SLC24A2: variants seen among roughly 807,000 people sequenced by gnomAD.
SLC24A2 encodes the protein solute carrier family 24 member 2.
Under a neutral mutation model 62.0 loss-of-function variants are expected in SLC24A2, and 36 were observed. That is an observed-to-expected ratio of 0.58 (90% confidence interval 0.44 to 0.77). The LOEUF (loss-of-function observed/expected upper bound fraction) is 0.77, where lower values mean the gene tolerates loss of function less well. Ranked by LOEUF, SLC24A2 falls within the 30% of genes least tolerant of loss-of-function variation. The pLI is 0.00. For missense variants in SLC24A2, 846 were observed against 817.9 expected (o/e 1.03, Z -0.42); for synonymous variants, 358 against 294.0 (o/e 1.22, Z -2.23).
the SLC24A2 span, among the ~76,000 whole-genome samples, chr9:20,122,164 G>C: frequency 1.3e-5 from 2 of 152,190 alleles, no homozygotes; most frequent in Admixed American, 6.5e-5. Context: ...AGAATTTCAA[G>C]ACAGTGTTAG....
upstream of SLC24A2, among the ~76,000 whole-genome samples, chr9:19,789,597 C>A (rs1823280993): frequency 6.6e-6 from 1 of 152,174 alleles, no homozygotes; most frequent in Non-Finnish European, 1.5e-5. Context: ...CATTTTGAAT[C>A]ACTGACAGGC....
At position 19,632,622 on chromosome 9, in the gene SLC24A2, A is replaced by T. The variant is rs775432777; in HGVS notation, c.931-10323T>A. The stretch of plus-strand genomic sequence containing the variant: ...TCTTAGGTGGCAGGTATTATTAGGA[A>T]ACATTTTTAATAACTTCTTATTTGG... On this transcript the variant is annotated intron_variant, in intron 2 of 10. Transcript: ENST00000341998. The surrounding 1 kb of genome is among the most constrained non-coding windows in gnomAD (Gnocchi z 4.5). 2.1e-4 allele frequency among the ~76,000 whole-genome samples: 32 copies of T among 152,240 alleles called. No homozygotes were observed. The highest frequency in any genetic ancestry group is 4.6e-4 in the Non-Finnish European group (31 of 68,048).
At chr9:19,928,295 G>C in the SLC24A2 span, 2 of 152,228 alleles carry the variant, frequency 1.3e-5, no homozygotes, top group Non-Finnish European at 2.9e-5. Context: ...AAAGGGAATT[G>C]TTACTGTCTC....
the SLC24A2 span, among the ~76,000 whole-genome samples, chr9:19,815,032 G>C: frequency 6.6e-6 from 1 of 152,124 alleles, no homozygotes; most frequent in Non-Finnish European, 1.5e-5. Context: ...TGCAATTTGG[G>C]ATTTATGAAA....
chr9:19,878,171 A>C, the SLC24A2 span, among the ~76,000 whole-genome samples: 2 of 152,166 alleles, frequency 1.3e-5, no homozygotes, highest in African/African-American at 4.8e-5. Context: ...ATCAGCAAGA[A>C]GACTTCTTAT....
chr9:19,575,651 A>G (rs971833480), intron 6 of SLC24A2, among the ~76,000 whole-genome samples: 1 of 152,246 alleles, frequency 6.6e-6, no homozygotes, highest in Admixed American at 6.5e-5. Context: ...CCCCAATAAC[A>G]TTAGAAGAAT....
At chr9:20,201,912 T>C in the SLC24A2 span, among the ~76,000 whole-genome samples, 1 of 152,170 alleles carries the variant, frequency 6.6e-6, no homozygotes, top group South Asian at 2.1e-4. Context: ...CAGCCACACA[T>C]CAGCAGTTGA....
the SLC24A2 span, among the ~76,000 whole-genome samples, chr9:19,816,522 C>T: frequency 6.6e-6 from 1 of 152,078 alleles, no homozygotes; most frequent in African/African-American, 2.4e-5. Flanking sequence ...CTGTATTACA[C>T]CATGCTTGCA....
At chr9:20,161,755 G>T in the SLC24A2 span, among the ~76,000 whole-genome samples, 1 of 86,038 alleles carries the variant, frequency 1.2e-5, no homozygotes, top group Non-Finnish European at 2.2e-5. Context: ...AAAACATGAA[G>T]ATACACACAC....
the SLC24A2 span, among the ~76,000 whole-genome samples, chr9:20,136,850 T>C: frequency 1.8e-4 from 27 of 152,310 alleles, no homozygotes; most frequent in African/African-American, 5.8e-4. Flanking sequence ...TTACCCAAAA[T>C]GTGTCTAAAC....
At chr9:19,790,989 G>C (rs1056387175), upstream of SLC24A2, among the ~76,000 whole-genome samples, 1 of 152,200 alleles carries the variant, frequency 6.6e-6, no homozygotes, top group Non-Finnish European at 1.5e-5. Flanking sequence ...AAGACCTCAT[G>C]AGTCCATAGA....
chr9:20,020,202 C>A, the SLC24A2 span, among the ~76,000 whole-genome samples: 2 of 152,110 alleles, frequency 1.3e-5, no homozygotes, highest in Non-Finnish European at 2.9e-5. Flanking sequence ...ACCATTTGAC[C>A]CAGCCATCCA....
chr9:20,034,096 G>C, the SLC24A2 span, among the ~76,000 whole-genome samples: 1 of 152,134 alleles, frequency 6.6e-6, no homozygotes, highest in Non-Finnish European at 1.5e-5. Context: ...AGGAAATTTT[G>C]CCAAAGATCT....
chr9:20,132,983 G>A, the SLC24A2 span, among the ~76,000 whole-genome samples: 57 of 152,182 alleles, frequency 3.7e-4, no homozygotes, highest in Non-Finnish European at 7.8e-4. Context: ...TGGCTAGGCT[G>A]CAGTCCCCCA....
the SLC24A2 span, among the ~76,000 whole-genome samples, chr9:20,092,262 GT>G: frequency 1.3e-5 from 2 of 152,164 alleles, no homozygotes; most frequent in Non-Finnish European, 2.9e-5. Context: ...AAAAAGATGT[GT>G]TAATTGACCA....
At chr9:20,161,069 T>C in the SLC24A2 span, among the ~76,000 whole-genome samples, 2 of 151,472 alleles carry the variant, frequency 1.3e-5, no homozygotes, top group Non-Finnish European at 3.0e-5. Context: ...TTGATATGGA[T>C]AAAACTTCTT....
the SLC24A2 span, among the ~76,000 whole-genome samples, chr9:20,056,221 T>C: frequency 6.6e-6 from 1 of 152,126 alleles, no homozygotes; most frequent in African/African-American, 2.4e-5. Flanking sequence ...TTGAGCACTG[T>C]GTGTGTGTAC....
chr9:19,645,178 C>T (rs1818607155), intron 2 of SLC24A2, among the ~76,000 whole-genome samples: 1 of 152,180 alleles, frequency 6.6e-6, no homozygotes, highest in Non-Finnish European at 1.5e-5. Flanking sequence ...AATGCTTGGA[C>T]ATTGTAATAC....
the SLC24A2 span, among the ~76,000 whole-genome samples, chr9:19,963,529 A>T: frequency 6.6e-6 from 1 of 152,122 alleles, no homozygotes; most frequent in Non-Finnish European, 1.5e-5. Context: ...CAAGAAAAAA[A>T]CAAACAACCC....
Sources: allele counts gnomAD v4.1 joint callset (sites outside exome capture counted in the v4.1 genomes callset), GRCh38; gene constraint gnomAD v4.1.1; non-coding constraint Gnocchi (gnomAD v3.1); transcripts MANE v1.5; gene names NCBI Gene and HGNC (gene_info 2026-07-23, HGNC 2026-07-21).